The following PRKG1 variants were observed in gnomAD, a reference collection of about 807,000 sequenced individuals.
PRKG1 encodes the protein protein kinase cGMP-dependent 1.
A neutral mutation model predicts 88.1 loss-of-function variants in PRKG1; 35 were observed. The ratio of observed to expected loss-of-function variants is 0.40; its 90% confidence interval spans 0.30 to 0.53. The LOEUF (loss-of-function observed/expected upper bound fraction) is 0.53. Among genes scored for constraint, PRKG1 ranks in the 20% least tolerant of loss-of-function variants. The probability of loss-of-function intolerance (pLI) is 0.59; values close to 1 mark genes in which losing one functional copy is unlikely to be tolerated. For synonymous variants in PRKG1, 303 were observed against 292.5 expected (o/e 1.04, Z -0.37); for missense variants, 540 against 839.8 (o/e 0.64, Z 4.41).
chr10:52,227,602 G>T (rs1021572552), intron 9 of PRKG1, among the ~76,000 whole-genome samples: 4 of 152,006 alleles, frequency 2.6e-5, no homozygotes, highest in Admixed American at 2.6e-4. Context: ...GTGGATTTTG[G>T]TATCCACAGG....
chr10:52,210,253 A>C (rs1416173128), intron 9 of PRKG1, among the ~76,000 whole-genome samples: 1 of 151,882 alleles, frequency 6.6e-6, no homozygotes, highest in Non-Finnish European at 1.5e-5. Context: ...GTCTTGCAGA[A>C]GCTATCTGCC....
rs566327567 is a variant in PRKG1, at chr10:51,223,514, C to A, written c.478+70184C>A. On this transcript the variant is annotated intron_variant, in intron 2 of 17. Transcript: ENST00000373980. ...CATACACACATACACGAGTGAATAT[C>A]TATATAAATGTATTCTCTATAGGAT... Among the ~76,000 whole-genome samples the A allele has an allele frequency of 9.6e-4, 146 of 152,224 alleles. 2 individuals carry two copies. Among genetic ancestry groups the A allele is most frequent in the African/African-American group, 3.2e-3 (135 of 41,546 alleles).
At chr10:51,919,956 A>G (rs1448035892) in intron 5 of PRKG1, among the ~76,000 whole-genome samples, 3 of 152,194 alleles carry the variant, frequency 2.0e-5, no homozygotes, top group Non-Finnish European at 1.5e-5. Context: ...TAGGCTTACA[A>G]TAAATGCATA....
At chr10:51,356,175 G>C (rs1842362201) in intron 2 of PRKG1, among the ~76,000 whole-genome samples, 2 of 152,058 alleles carry the variant, frequency 1.3e-5, no homozygotes, top group South Asian at 4.1e-4. Flanking sequence ...GAAAACAGAG[G>C]ATTCTAGTAA....
At chr10:51,257,350 G>A (rs553639804) in intron 2 of PRKG1, among the ~76,000 whole-genome samples, 2 of 152,296 alleles carry the variant, frequency 1.3e-5, no homozygotes, top group East Asian at 3.9e-4. Context: ...GCAAAATCAT[G>A]TGTGGGTCAG....
chr10:51,993,400 C>T (rs1184597467), intron 5 of PRKG1, among the ~76,000 whole-genome samples: 2 of 152,016 alleles, frequency 1.3e-5, no homozygotes, highest in African/African-American at 4.8e-5. Context: ...GAAACTTTGA[C>T]GTGAGGAACA....
intron 9 of PRKG1, among the ~76,000 whole-genome samples, chr10:52,172,301 C>T (rs561847777): frequency 2.0e-5 from 3 of 152,184 alleles, no homozygotes; most frequent in Non-Finnish European, 4.4e-5. Flanking sequence ...TGAAAACAGA[C>T]AAGCTACTTG....
intron 1 of PRKG1, among the ~76,000 whole-genome samples, chr10:51,105,931 C>T (rs74131733): frequency 0.029 from 4,416 of 152,156 alleles, 164 homozygotes; most frequent in African/African-American, 0.083. Flanking sequence ...GTGTAACAGA[C>T]AATTCAATTC....
intron 2 of PRKG1, among the ~76,000 whole-genome samples, chr10:51,180,861 G>A (rs958412425): frequency 6.6e-6 from 1 of 152,130 alleles, no homozygotes; most frequent in Non-Finnish European, 1.5e-5. Flanking sequence ...CTATTTCTTA[G>A]AATGTAAGGC....
At chr10:51,840,606 G>T (rs1380981949) in intron 4 of PRKG1, among the ~76,000 whole-genome samples, 2 of 151,606 alleles carry the variant, frequency 1.3e-5, no homozygotes, top group Non-Finnish European at 2.9e-5. Flanking sequence ...GAGTGCAGTG[G>T]CGCGACCTCA....
intron 1 of PRKG1, among the ~76,000 whole-genome samples, chr10:51,104,866 A>G (rs1844791215): frequency 6.6e-6 from 1 of 152,006 alleles, no homozygotes; most frequent in East Asian, 1.9e-4. Context: ...AGTAGCTGGG[A>G]TTACAGGCGG....
chr10:51,327,259 A>T (rs1841615269), intron 2 of PRKG1, among the ~76,000 whole-genome samples: 1 of 152,008 alleles, frequency 6.6e-6, no homozygotes, highest in African/African-American at 2.4e-5. Flanking sequence ...TACTGAAAAT[A>T]CGAAAAAGTT....
intron 2 of PRKG1, among the ~76,000 whole-genome samples, chr10:51,210,893 G>A (rs1192034907): frequency 1.3e-5 from 2 of 152,146 alleles, no homozygotes; most frequent in African/African-American, 4.8e-5. Context: ...GTACAAGGAG[G>A]AGCTGGTACC....
At chr10:51,876,653 C>T (rs1425739932) in intron 4 of PRKG1, among the ~76,000 whole-genome samples, 1 of 152,144 alleles carries the variant, frequency 6.6e-6, no homozygotes, top group Non-Finnish European at 1.5e-5. Flanking sequence ...TTTTTCTTAC[C>T]ATTTGAGACT....
chr10:51,287,585 AAAC>A (rs2132215979), intron 2 of PRKG1, among the ~76,000 whole-genome samples: 1 of 152,294 alleles, frequency 6.6e-6, no homozygotes, highest in Non-Finnish European at 1.5e-5. Flanking sequence ...AACCAACAAT[AAAC>A]AAGATAATTT....
chr10:51,161,314 T>C (rs567153874), intron 2 of PRKG1, among the ~76,000 whole-genome samples: 1 of 152,270 alleles, frequency 6.6e-6, no homozygotes, highest in African/African-American at 2.4e-5. Context: ...AAGTTAAGAA[T>C]TGACCAGGTG....
At chr10:51,108,347 T>C (rs933847049) in intron 1 of PRKG1, among the ~76,000 whole-genome samples, 1 of 151,556 alleles carries the variant, frequency 6.6e-6, no homozygotes, top group African/African-American at 2.4e-5. Flanking sequence ...GCAAAAACTC[T>C]AGCAAATTTT....
intron 2 of PRKG1, among the ~76,000 whole-genome samples, chr10:51,223,192 C>A (rs1210839482): frequency 6.6e-6 from 1 of 151,988 alleles, no homozygotes; most frequent in East Asian, 1.9e-4. Flanking sequence ...CTTCCCCCAC[C>A]CTCTGTAGCT....
At position 52,226,748 on chromosome 10, in the gene PRKG1, T is replaced by C. The variant is rs1284612894; in HGVS notation, c.1077-24822T>C. 2.6e-5 allele frequency among the ~76,000 whole-genome samples: 4 copies of C among 151,826 alleles called. No individual in the cohort carries two copies. The East Asian group carries it at 7.7e-4, about 29-fold the overall frequency. ...AAAAATCTTTATATTCCTTCAGGAC[T>C]ATTAGGTATCTTGTATATATCACAA... is the stretch of plus-strand genomic sequence containing the variant. On this transcript the variant is annotated intron_variant, in intron 9 of 17. Coordinates refer to ENST00000373980, the MANE Select transcript of PRKG1 (RefSeq NM_006258.4).
Sources: gnomAD v4.1 joint callset for allele counts (sites outside exome capture counted in the v4.1 genomes callset) on GRCh38, gnomAD v4.1.1 for gene constraint, MANE v1.5 for transcripts, NCBI Gene and HGNC (gene_info 2026-07-23, HGNC 2026-07-21) for gene names.